ESRRA: variants seen among roughly 807,000 people sequenced by gnomAD.
The protein encoded by ESRRA is steroid hormone receptor ERR1.
Under a neutral mutation model 35.6 loss-of-function variants are expected in ESRRA, and 7 were observed. The ratio of observed to expected loss-of-function variants is 0.20; its 90% CI spans 0.11 to 0.37. The LOEUF (loss-of-function observed/expected upper bound fraction) is 0.37. ESRRA is among the 10% of genes least tolerant of loss of function. The pLI, the probability that ESRRA is intolerant of heterozygous loss-of-function variation, is 1.00. For missense variants in ESRRA, 378 were observed against 561.7 expected, an observed-to-expected ratio of 0.67 and a Z score of 3.31; for synonymous variants, 223 against 246.9, an observed-to-expected ratio of 0.90 and a Z score of 0.91.
At chr11:64,315,364 GA>G in intron 6 of ESRRA, 94 bp downstream of exon 6, 1 of 1,366,798 alleles carries the variant, frequency 7.3e-7, no homozygotes, top group Non-Finnish European at 9.8e-7. Context: ...TGCAGATAAC[GA>G]AAACTGAGGC....
Position 64,313,891 on chromosome 11 carries a change from C to T in ESRRA, c.326-60C>T. Reference sequence around the variant, plus strand: ...CCGGGGAGAGTCAGGGCTCTCCTGTCAGCTGGGTCCCCTCCCAGCCCCGGG... The same window carrying T: ...CCGGGGAGAGTCAGGGCTCTCCTGTTAGCTGGGTCCCCTCCCAGCCCCGGG... On this transcript the variant is annotated intron_variant, in intron 2 of 6. Transcript: ENST00000000442. This position sits in a 1 kb window ranked among gnomAD's most constrained non-coding sequence, Gnocchi z 4.0. The T allele has an allele frequency of 8.1e-7, 1 of 1,235,456 alleles. No individual in the cohort carries two copies. The highest frequency in any genetic ancestry group is 1.1e-6 in the Non-Finnish European group (1 of 878,326). 76.5% of individuals were successfully genotyped at this position (1,235,456 alleles called of 1,614,324 possible).
chr11:64,313,835 T>G lies in ESRRA; in HGVS notation c.326-116T>G. ...CTGCTCATGGCCCCCTGCTCTCCCT[T>G]TCCTCCCCATACCCCCAGACCTGTG... On this transcript the variant is annotated intron_variant, in intron 2 of 6. Transcript: ENST00000000442. The surrounding 1 kb of genome is among the most constrained non-coding windows in gnomAD (Gnocchi z 4.0). The G allele has an allele frequency of 1.5e-6, 1 of 670,378 alleles. No homozygotes were observed. Among genetic ancestry groups the G allele is most frequent in the Non-Finnish European group, 2.5e-6 (1 of 397,464 alleles). 41.5% of individuals were successfully genotyped at this position (670,378 alleles called of 1,614,324 possible). A position where few individuals can be genotyped will look rare whatever the true frequency, so the allele number is the denominator to read the frequency against.
intron 2 of ESRRA, among the ~76,000 whole-genome samples, chr11:64,308,387 G>A (rs1471387142): frequency 2.6e-5 from 4 of 151,702 alleles, no homozygotes; most frequent in Admixed American, 6.6e-5. Flanking sequence ...ATGGTGGCTC[G>A]CGCCTGTAAT....
rs746024032 is a variant in ESRRA at position 64,315,010 on chromosome 11, C to G, written c.752C>G (p.Ser251Trp). 6.3e-7 allele frequency: 1 copy of G among 1,591,930 alleles called. No homozygotes were observed. The highest frequency in any genetic ancestry group is 8.6e-7 in the Non-Finnish European group (1 of 1,168,910). ...CCCCGCTGCCCCCTAGGCTTCTCAT[C>G]GCTGTCGCTGTCTGACCAGATGTCA... The part of the protein sequence containing the change: ...SWAKSIPGFS[S>W]LSLSDQMSVL... Residue 251 changes from serine to tryptophan, a missense_variant, in exon 6 of 7, where the codon TCG becomes TGG. This residue lies in a region of ESRRA where 284 missense variants were observed against 411.7 expected (regional missense o/e 0.69). Transcript: ENST00000000442.
In ESRRA at chr11:64,315,760, C is replaced by T. The variant is rs199870672; in HGVS notation, c.1066C>T (p.His356Tyr). 5.6e-6 allele frequency: 9 copies of T among 1,613,924 alleles called. No individual in the cohort carries two copies. Among genetic ancestry groups the T allele is most frequent in the Admixed American group, 5.0e-5 (3 of 60,024 alleles). Reference protein sequence around the residue: ...EAVEQLREALHEALLEYEAGR... With the variant: ...EAVEQLREALYEALLEYEAGR... ...TGTGGAGCAGCTGCGAGAAGCTCTG[C>T]ACGAGGCCCTGCTGGAGTATGAAGC... is the stretch of plus-strand genomic sequence containing the variant. The change falls in exon 7 of 7, where the codon CAC (histidine) becomes TAC (tyrosine). Residue 356 changes from histidine (H) to tyrosine (Y), a missense_variant. Transcript: ENST00000000442.
At chr11:64,310,962 T>C (rs574924687) in intron 2 of ESRRA, among the ~76,000 whole-genome samples, 31 of 152,300 alleles carry the variant, frequency 2.0e-4, no homozygotes, top group African/African-American at 7.2e-4. Context: ...CTACCTACCC[T>C]GGGGCCCCTC....
chr11:64,307,894 T>C (rs2035066080), intron 2 of ESRRA, among the ~76,000 whole-genome samples: 1 of 152,230 alleles, frequency 6.6e-6, no homozygotes, highest in Non-Finnish European at 1.5e-5. Context: ...AAGGCAGATT[T>C]TAATTTTTTT....
In ESRRA at chr11:64,310,243, T is replaced by TG. The variant is rs199609020; in HGVS notation, c.325+2739_325+2740insG. Among the ~76,000 whole-genome samples, 11 of 151,616 alleles carry TG rather than the reference T, an allele frequency of 7.3e-5. No individual in the cohort carries two copies. In the East Asian group the frequency reaches 1.2e-3, roughly 16 times the overall value. ...GATTGTGACATTCCAGCACGTTTTT[T>TG]TTTTTTTTTTTGAGACAGTCTCGTG... On this transcript the variant is annotated intron_variant, in intron 2 of 6. Transcript: ENST00000000442.
rs1262141464 is a variant in ESRRA, at chr11:64,313,822, C to T, written c.326-129C>T. 1 of 621,532 alleles carries T rather than the reference C, an allele frequency of 1.6e-6. No individual in the cohort carries two copies. Among genetic ancestry groups the T allele is most frequent in the Non-Finnish European group, 2.8e-6 (1 of 356,252 alleles). The allele number at this position is 621,532 out of a possible 1,614,324, so 38.5% of individuals were successfully genotyped here. On this transcript the variant is annotated intron_variant, in intron 2 of 6. Coordinates refer to ENST00000000442, the MANE Select transcript of ESRRA (RefSeq NM_004451.5). The surrounding 1 kb of genome is among the most constrained non-coding windows in gnomAD (Gnocchi z 4.0). ...CTCCCCTCCCTGCCTGCTCATGGCC[C>T]CCTGCTCTCCCTTTCCTCCCCATAC...
chr11:64,311,070 T>C (rs1393010188), intron 2 of ESRRA, among the ~76,000 whole-genome samples: 3 of 152,228 alleles, frequency 2.0e-5, no homozygotes, highest in Non-Finnish European at 4.4e-5. Flanking sequence ...CTGGATGTTT[T>C]GACCATATTA....
rs889610150 is a variant in ESRRA, at chr11:64,312,145, A to AT, written c.326-1795dup. 1.9e-4 allele frequency among the ~76,000 whole-genome samples: 25 copies of AT among 134,998 alleles called. No homozygotes were observed. In the Middle Eastern group the frequency reaches 0.012, roughly 65 times the overall value. The allele number at this position is 134,998 out of a possible 152,430, so 88.6% of individuals were successfully genotyped here. A position where few individuals can be genotyped will look rare whatever the true frequency, so the allele number is the denominator to read the frequency against. On this transcript the variant is annotated intron_variant, in intron 2 of 6. Transcript: ENST00000000442. ...AGACATGCACCACCATGTCCGGCTA[A>AT]TTTTTTTTTTTCGAGATGGAGTCTC...
Position 64,315,853 on chromosome 11 carries a change from C to T in ESRRA, c.1159C>T (p.Leu387Phe). 1 of 1,611,132 alleles carries T rather than the reference C, an allele frequency of 6.2e-7. No homozygotes were observed. The highest frequency in any genetic ancestry group is 1.1e-5 in the South Asian group (1 of 90,894). The change falls in exon 7 of 7, where the codon CTC becomes TTC. Residue 387 changes from leucine (L) to phenylalanine (F), a missense_variant. By Grantham distance (22) the Leu-to-Phe change is conservative. Coordinates refer to ENST00000000442, the MANE Select transcript of ESRRA (RefSeq NM_004451.5). ...GGGCAGGCTGCTGCTCACGCTACCGCTCCTCCGCCAGACAGCGGGCAAAGT... is the reference window on the plus strand; with the variant it reads ...GGGCAGGCTGCTGCTCACGCTACCGTTCCTCCGCCAGACAGCGGGCAAAGT... ...RAGRLLLTLP[L>F]LRQTAGKVLA...
chr11:64,315,846 G>C lies in ESRRA; in HGVS notation c.1152G>C (p.Thr384=), dbSNP rs764319344. The change falls in exon 7 of 7, where the codon ACG becomes ACC. Residue 384 remains threonine, a synonymous_variant. Transcript: ENST00000000442. ...GGCGGGCGGGCAGGCTGCTGCTCAC[G>C]CTACCGCTCCTCCGCCAGACAGCGG... ...ERRRAGRLLL[T]LPLLRQTAGK... is the part of the protein sequence containing the mutation. 3 of 1,388,514 alleles carry C rather than the reference G, an allele frequency of 2.2e-6. No homozygotes were observed. The highest frequency in any genetic ancestry group is 2.3e-5 in the Admixed American group (1 of 43,330). 86.0% of individuals were successfully genotyped at this position (1,388,514 alleles called of 1,614,324 possible).
In ESRRA at chr11:64,316,583, T is replaced by G; in HGVS notation, c.*617T>G. 2.6e-6 allele frequency: 1 copy of G among 389,976 alleles called. No individual in the cohort carries two copies. The allele number at this position is 389,976 out of a possible 1,614,324, so 24.2% of individuals were successfully genotyped here. ...GCAGAGCAATAACACTATATTTATT[T>G]TTGGGTTTGGCCAGGGAGGCGCAGG... On this transcript the variant is annotated 3_prime_UTR_variant, in exon 7 of 7. Transcript: ENST00000000442.
chr11:64,311,960 G>A (rs1416235666), intron 2 of ESRRA, among the ~76,000 whole-genome samples: 1 of 139,974 alleles, frequency 7.1e-6, no homozygotes. Context: ...TGGGATTATA[G>A]GCGTGAGCCA....
intron 1 of ESRRA, chr11:64,306,948 T>C: frequency 2.4e-6 from 1 of 412,428 alleles, no homozygotes; most frequent in Non-Finnish European, 4.3e-6. Context: ...GGGGGAGACC[T>C]GCTGTCAGTT....
At chr11:64,307,090 T>TG in intron 1 of ESRRA, 78 bp from the exon 2 acceptor site, 1 of 1,302,152 alleles carries the variant, frequency 7.7e-7, no homozygotes, top group Non-Finnish European at 1.0e-6. Flanking sequence ...GGCCCGAGGT[T>TG]GGGCAACCCG....
In ESRRA at chr11:64,307,150, A is replaced by G. The variant is rs763158722; in HGVS notation, c.-12-18A>G. Reference sequence around the variant, plus strand: ...CATACCAGTGCTTTCCTGCGAACCTATGGGTCTCTCCGTGCAGGTGACCAG... The same window carrying G: ...CATACCAGTGCTTTCCTGCGAACCTGTGGGTCTCTCCGTGCAGGTGACCAG... On this transcript the variant is annotated intron_variant, in intron 1 of 6. Transcript: ENST00000000442. 7.2e-6 allele frequency: 11 copies of G among 1,537,870 alleles called. No homozygotes were observed. The highest frequency in any genetic ancestry group is 2.3e-5 in the East Asian group (1 of 43,004).
chr11:64,314,681 T>G (rs41294412), intron 4 of ESRRA, 60 bp from the exon 5 acceptor site: 2 of 1,528,416 alleles, frequency 1.3e-6, no homozygotes, highest in African/African-American at 2.7e-5. Context: ...GGGAAGATGC[T>G]TGACCCCTGA....
Sources: gnomAD v4.1 joint callset for allele counts (sites outside exome capture counted in the v4.1 genomes callset) on GRCh38, gnomAD v4.1.1 for gene constraint, gnomAD v4.1.1 regional missense constraint, Gnocchi (gnomAD v3.1) non-coding constraint, MANE v1.5 for transcripts, NCBI Gene and HGNC (gene_info 2026-07-23, HGNC 2026-07-21) for gene names.